The following CACNA2D3 variants were observed in gnomAD, a reference collection of about 807,000 sequenced individuals.
CACNA2D3 encodes voltage-dependent calcium channel subunit alpha-2/delta-3.
In CACNA2D3, 60 loss-of-function variants were observed where a neutral mutation model predicts 160.6. That is an observed-to-expected ratio of 0.37 (90% CI 0.30 to 0.46). The LOEUF (loss-of-function observed/expected upper bound fraction) is 0.46. Ranked by LOEUF, CACNA2D3 falls within the 20% of genes least tolerant of loss-of-function variation. CACNA2D3 has a pLI of 1.00. For missense variants in CACNA2D3, 1,205 were observed against 1,365.0 expected, an observed-to-expected ratio of 0.88 and a Z score of 1.85; for synonymous variants, 558 against 492.9, an observed-to-expected ratio of 1.13 and a Z score of -1.75.
chr3:54,665,775 G>A (rs181204210), intron 11 of CACNA2D3, among the ~76,000 whole-genome samples: 10 of 151,756 alleles, frequency 6.6e-5, no homozygotes, highest in African/African-American at 2.4e-4. Flanking sequence ...GGATGGGTGA[G>A]ACAGAGGATG....
Position 55,007,792 on chromosome 3 carries a change from T to C in CACNA2D3, c.2769T>C (p.Pro923=), listed in dbSNP as rs1384400564. ...ATGAACTGAATTCTTCTCTTCAGCC[T>C]TATAATGCCTTCCTCTCTGCAGTAA... ...SSDGAHGLLD[P]YNAFLSAVKW... The change falls in exon 33 of 38, where the codon CCT becomes CCC. Residue 923 remains proline, a splice_region_variant and synonymous_variant. Coordinates refer to ENST00000474759, the MANE Select transcript of CACNA2D3 (RefSeq NM_018398.3). 1 of 1,554,802 alleles carries C rather than the reference T, an allele frequency of 6.4e-7. No individual in the cohort carries two copies.
intron 2 of CACNA2D3, among the ~76,000 whole-genome samples, chr3:54,284,276 A>T (rs557372271): frequency 2.0e-5 from 3 of 151,834 alleles, no homozygotes; most frequent in South Asian, 4.1e-4. Flanking sequence ...ATAATAATAA[A>T]AAATAAAATT....
intron 5 of CACNA2D3, among the ~76,000 whole-genome samples, chr3:54,528,281 G>C (rs181245896): frequency 4.1e-5 from 5 of 121,818 alleles, no homozygotes; most frequent in Admixed American, 3.2e-4. Context: ...AAAAAAAAAT[G>C]GGCATGAGAA....
chr3:54,867,765 T>G (rs138519547), intron 17 of CACNA2D3, among the ~76,000 whole-genome samples: 1 of 152,308 alleles, frequency 6.6e-6, no homozygotes, highest in East Asian at 1.9e-4. Flanking sequence ...CCTGGCACCT[T>G]AGCAACTCCT....
chr3:54,473,548 T>C (rs1279948455), intron 4 of CACNA2D3, among the ~76,000 whole-genome samples: 2 of 152,116 alleles, frequency 1.3e-5, no homozygotes, highest in Non-Finnish European at 2.9e-5. Context: ...CTAATTAAAC[T>C]AAACAGCTTC....
At chr3:54,778,470 C>T (rs1702464759) in intron 13 of CACNA2D3, among the ~76,000 whole-genome samples, 3 of 152,008 alleles carry the variant, frequency 2.0e-5, no homozygotes, top group Admixed American at 2.0e-4. Flanking sequence ...CTGGGCTTAT[C>T]CTTTGGTCTC....
At chr3:54,701,425 C>G (rs886572090) in intron 11 of CACNA2D3, among the ~76,000 whole-genome samples, 1 of 152,184 alleles carries the variant, frequency 6.6e-6, no homozygotes, top group Non-Finnish European at 1.5e-5. Flanking sequence ...TCTAATATAT[C>G]TAGCTCCTGT....
chr3:54,501,170 A>G (rs938990094), intron 4 of CACNA2D3, among the ~76,000 whole-genome samples: 2 of 152,162 alleles, frequency 1.3e-5, no homozygotes, highest in Admixed American at 6.5e-5. Context: ...TAATGACCAC[A>G]CCACTTATTA....
chr3:54,337,664 G>A (rs1704415876), intron 3 of CACNA2D3, among the ~76,000 whole-genome samples: 1 of 152,046 alleles, frequency 6.6e-6, no homozygotes, highest in Non-Finnish European at 1.5e-5. Context: ...TGCCTCTAAA[G>A]TTCCATGTCT....
intron 2 of CACNA2D3, among the ~76,000 whole-genome samples, chr3:54,296,809 G>C (rs1020905940): frequency 2.0e-5 from 3 of 152,138 alleles, no homozygotes; most frequent in African/African-American, 7.2e-5. Flanking sequence ...ATTGTGTTGT[G>C]GGGAAAAAGG....
intron 9 of CACNA2D3, among the ~76,000 whole-genome samples, chr3:54,609,004 T>A (rs1698691561): frequency 6.6e-6 from 1 of 152,176 alleles, no homozygotes; most frequent in Non-Finnish European, 1.5e-5. Context: ...GACTGAGCAA[T>A]TGAGGGGGTG....
At chr3:54,153,813 T>C (rs1450046846) in intron 2 of CACNA2D3, among the ~76,000 whole-genome samples, 1 of 152,224 alleles carries the variant, frequency 6.6e-6, no homozygotes, top group East Asian at 1.9e-4. Context: ...ATATTGCCTA[T>C]TATTGGGTTG....
At chr3:54,631,203 AACACACAC>A (rs67944483) in intron 10 of CACNA2D3, among the ~76,000 whole-genome samples, 19 of 145,880 alleles carry the variant, frequency 1.3e-4, no homozygotes, top group South Asian at 4.4e-4. Context: ...GACTCCATCA[AACACACAC>A]ACACACACAC....
At chr3:54,659,835 C>T (rs534520322) in intron 11 of CACNA2D3, among the ~76,000 whole-genome samples, 1 of 152,110 alleles carries the variant, frequency 6.6e-6, no homozygotes, top group Non-Finnish European at 1.5e-5. Context: ...TTTTGTTCTC[C>T]CCCAGAGCTT....
intron 4 of CACNA2D3, among the ~76,000 whole-genome samples, chr3:54,453,459 C>G (rs144644744): frequency 9.3e-4 from 142 of 152,156 alleles, no homozygotes; most frequent in African/African-American, 3.1e-3. Context: ...GGACTTAATT[C>G]GACCTGAAAC....
intron 3 of CACNA2D3, among the ~76,000 whole-genome samples, chr3:54,354,006 T>C (rs1698607695): frequency 6.6e-6 from 1 of 152,206 alleles, no homozygotes; most frequent in African/African-American, 2.4e-5. Context: ...GCCATTATTT[T>C]CTTTCCCCTT....
intron 4 of CACNA2D3, among the ~76,000 whole-genome samples, chr3:54,428,214 C>T (rs928582924): frequency 1.5e-4 from 23 of 152,286 alleles, no homozygotes; most frequent in East Asian, 1.3e-3. Flanking sequence ...ACCCAGGGCT[C>T]GGCTGCACAC....
At chr3:55,064,983 A>C (rs900377508) in intron 35 of CACNA2D3, among the ~76,000 whole-genome samples, 1 of 152,196 alleles carries the variant, frequency 6.6e-6, no homozygotes, top group African/African-American at 2.4e-5. Context: ...ATTTAATTGC[A>C]TAGGCTGGTA....
chr3:54,885,063 A>C (rs1347603476), intron 21 of CACNA2D3, among the ~76,000 whole-genome samples: 2 of 152,168 alleles, frequency 1.3e-5, no homozygotes, highest in Non-Finnish European at 2.9e-5. Context: ...GGAAGGTGGC[A>C]GTGCTGGGCT....
Sources: allele counts gnomAD v4.1 joint callset (sites outside exome capture counted in the v4.1 genomes callset), GRCh38; gene constraint gnomAD v4.1.1; transcripts MANE v1.5; gene names NCBI Gene and HGNC (gene_info 2026-07-23, HGNC 2026-07-21).